MFSD12: variants seen among roughly 807,000 people sequenced by gnomAD.
MFSD12 encodes major facilitator superfamily domain-containing protein 12.
In MFSD12, 67 loss-of-function variants were observed where a neutral mutation model predicts 51.2. That is an observed-to-expected ratio of 1.31 (90% confidence interval 1.08 to 1.60). The LOEUF (loss-of-function observed/expected upper bound fraction) is 1.60. Among genes scored for constraint, MFSD12 ranks in the 40% most tolerant of loss-of-function variants. MFSD12 has a pLI of 0.00. For missense variants in MFSD12, 921 were observed against 673.0 expected, an observed-to-expected ratio of 1.37 and a Z score of -4.08; for synonymous variants, 441 against 316.7, an observed-to-expected ratio of 1.39 and a Z score of -4.17.
downstream of MFSD12, chr19:3,541,700 G>A (rs146434539): frequency 1.0e-6 from 1 of 985,136 alleles, no homozygotes; most frequent in East Asian, 1.1e-4. Flanking sequence ...GGGGGTGAGT[G>A]CATGTACCAC....
chr19:3,542,758 C>T (rs769324814), downstream of MFSD12: 3 of 1,352,796 alleles, frequency 2.2e-6, no homozygotes, highest in Admixed American at 2.0e-5. Context: ...GCTGGGTTTA[C>T]AAGCGTGAGC....
chr19:3,549,932 A>G (rs1242665482), intron 2 of MFSD12, among the ~76,000 whole-genome samples: 4 of 152,096 alleles, frequency 2.6e-5, no homozygotes, highest in Admixed American at 2.0e-4. Flanking sequence ...TGACAGAGCG[A>G]GATCCTGTCA....
downstream of MFSD12, chr19:3,543,619 C>A: frequency 6.5e-7 from 1 of 1,544,730 alleles, no homozygotes. Context: ...AGTACCAGGC[C>A]CCCAGCACCC....
In MFSD12 at chr19:3,546,456, A is replaced by C. The variant is rs747106912; in HGVS notation, c.1024-31T>G. 5.1e-6 allele frequency: 8 copies of C among 1,578,886 alleles called. No individual in the cohort carries two copies. The African/African-American group carries it at 9.4e-5, about 19-fold the overall frequency. On this transcript the variant is annotated intron_variant, in intron 6 of 9. Coordinates refer to ENST00000355415, the MANE Select transcript of MFSD12 (RefSeq NM_174983.5). ...GGGACAGCCCCGGGGTCAGGCCCAC[A>C]CCACTGGGTGCCCCCAAGCCTGGCG...
chr19:3,550,021 G>C (rs1325080167), intron 2 of MFSD12, among the ~76,000 whole-genome samples: 4 of 152,090 alleles, frequency 2.6e-5, no homozygotes, highest in Non-Finnish European at 5.9e-5. Flanking sequence ...TGGGATCAGA[G>C]ATTCTCCCTG....
At chr19:3,547,154 A>C in intron 6 of MFSD12, 118 bp downstream of exon 6, 1 of 902,466 alleles carries the variant, frequency 1.1e-6, no homozygotes, top group Non-Finnish European at 1.8e-6. Context: ...TGGGGCTTCT[A>C]CAAGGCGGGA....
Position 3,544,906 on chromosome 19 carries a change from A to C in MFSD12, c.1323T>G (p.Phe441Leu). ...TCACAGCCACCATCGCCCAGTGGTA[A>C]AAGCTCACGCAGGCCCTGCAGCAGA... The part of the protein sequence containing the change: ...SELCCRACVS[F>L]YHWAMVAVTG... The change falls in exon 9 of 10, where the codon TTT becomes TTG. Residue 441 changes from phenylalanine to leucine, a missense_variant. Transcript: ENST00000355415. 1.2e-6 allele frequency: 2 copies of C among 1,611,390 alleles called. No individual in the cohort carries two copies. Among genetic ancestry groups the C allele is most frequent in the Non-Finnish European group, 1.7e-6 (2 of 1,179,446 alleles).
intron 2 of MFSD12, among the ~76,000 whole-genome samples, chr19:3,550,431 G>T (rs539673877): frequency 6.6e-6 from 1 of 151,042 alleles, no homozygotes; most frequent in Admixed American, 6.6e-5. Flanking sequence ...TCGCTCTGTC[G>T]CCCAGGCTGG....
In MFSD12 at chr19:3,546,383, C is replaced by G. The variant is rs200989641; in HGVS notation, c.1066G>C (p.Ala356Pro). The part of the protein sequence containing the change: ...SGLLVILAFA[A>P]WVALAEGLGV... Reference sequence around the variant, plus strand: ...AGTCCCTCCGCCAGCGCCACCCAGGCGGCAAAGGCCAGGATCACCAGGAGG... The same window carrying G: ...AGTCCCTCCGCCAGCGCCACCCAGGGGGCAAAGGCCAGGATCACCAGGAGG... Residue 356 changes from alanine to proline, a missense_variant, in exon 7 of 10, where the codon GCC becomes CCC. Physicochemically the swap from Ala to Pro is conservative, Grantham distance 27. Transcript: ENST00000355415. 7 of 1,608,032 alleles carry G rather than the reference C, an allele frequency of 4.4e-6. No individual in the cohort carries two copies. Among genetic ancestry groups the G allele is most frequent in the Non-Finnish European group, 5.1e-6 (6 of 1,177,936 alleles).
In MFSD12 at chr19:3,546,118, G is replaced by A. The variant is rs1302976700; in HGVS notation, c.1245C>T (p.Ala415=). ...GGATGGCCATGACTGCCAGCCCATTGGCCACCTTATCCAAGAAGCTCATGG... is the reference window on the plus strand; with the variant it reads ...GGATGGCCATGACTGCCAGCCCATTAGCCACCTTATCCAAGAAGCTCATGG... The part of the protein sequence containing the change: ...YGSMSFLDKV[A]NGLAVMAIQS... Residue 415 remains alanine, a synonymous_variant, in exon 8 of 10, where the codon GCC becomes GCT. Transcript: ENST00000355415. The A allele has an allele frequency of 4.3e-6, 7 of 1,613,260 alleles. No homozygotes were observed. The highest frequency in any genetic ancestry group is 2.7e-5 in the African/African-American group (2 of 74,942).
chr19:3,543,900 C>G, downstream of MFSD12: 1 of 1,551,018 alleles, frequency 6.4e-7, no homozygotes, highest in Non-Finnish European at 8.7e-7. Flanking sequence ...CCTGTCGGCA[C>G]CCCAGCGCCC....
chr19:3,547,353 C>A lies in MFSD12; in HGVS notation c.942G>T (p.Ala314=). The change falls in exon 6 of 10, where the codon GCG becomes GCT. Residue 314 remains alanine, a synonymous_variant. Coordinates refer to ENST00000355415, the MANE Select transcript of MFSD12 (RefSeq NM_174983.5). ...YSLHLPKKFI[A]TIPLVMYLSG... ...TGAGGTACATCACCAGGGGAATGGT[C>A]GCGATGAACTTCTGCGGAGGCAGAG... 6.2e-7 allele frequency: 1 copy of A among 1,613,262 alleles called. No homozygotes were observed. Among genetic ancestry groups the A allele is most frequent in the South Asian group, 1.1e-5 (1 of 91,050 alleles).
intron 2 of MFSD12, among the ~76,000 whole-genome samples, chr19:3,550,517 G>A (rs769035363): frequency 1.4e-4 from 21 of 150,936 alleles, no homozygotes; most frequent in Non-Finnish European, 2.4e-4. Flanking sequence ...TCAGCCTCCC[G>A]AGTAGCTGGG....
At chr19:3,547,659 T>A in intron 4 of MFSD12, 112 bp from the exon 5 acceptor site, 1 of 1,185,666 alleles carries the variant, frequency 8.4e-7, no homozygotes, top group Admixed American at 2.2e-5. Context: ...ATTTGATCCA[T>A]TGGTAGTGAC....
intron 8 of MFSD12, 86 bp from the exon 9 acceptor site, chr19:3,545,025 G>A (rs759180097): frequency 2.6e-4 from 391 of 1,486,318 alleles, no homozygotes; most frequent in Non-Finnish European, 3.1e-4. Flanking sequence ...CCTCACCCCC[G>A]ACAGCGGCTC....
Position 3,544,282 on chromosome 19 carries a change from C to T in MFSD12, c.*428G>A. On this transcript the variant is annotated 3_prime_UTR_variant, in exon 10 of 10. Coordinates refer to ENST00000355415, the MANE Select transcript of MFSD12 (RefSeq NM_174983.5). ...CTGCCCACCACGGTGGGGTCCAGGCCCAGCCCACCACCCCGTGGCTGTCTC... is the reference window on the plus strand; with the variant it reads ...CTGCCCACCACGGTGGGGTCCAGGCTCAGCCCACCACCCCGTGGCTGTCTC... The T allele has an allele frequency of 7.7e-7, 1 of 1,297,802 alleles. No individual in the cohort carries two copies. The highest frequency in any genetic ancestry group is 1.5e-5 in the African/African-American group (1 of 66,306). 80.4% of individuals were successfully genotyped at this position (1,297,802 alleles called of 1,614,324 possible).
At chr19:3,553,852 C>T (rs1017127913) in intron 1 of MFSD12, among the ~76,000 whole-genome samples, 8 of 150,908 alleles carry the variant, frequency 5.3e-5, no homozygotes, top group Non-Finnish European at 4.4e-5. Context: ...GAGGCTGCAG[C>T]GGATGGATCA....
chr19:3,549,667 G>A (rs925994527), intron 2 of MFSD12, among the ~76,000 whole-genome samples: 2 of 147,618 alleles, frequency 1.4e-5, no homozygotes, highest in Non-Finnish European at 3.0e-5. Context: ...AGGTTGCAGT[G>A]AGCCGAGATG....
At chr19:3,542,843 T>G (rs1349527959), downstream of MFSD12, 7 of 1,378,226 alleles carry the variant, frequency 5.1e-6, no homozygotes, top group Non-Finnish European at 6.8e-6. Context: ...CACTTCTTCC[T>G]GGTGCACCTC....
Sources: allele counts gnomAD v4.1 joint callset (sites outside exome capture counted in the v4.1 genomes callset), GRCh38; gene constraint gnomAD v4.1.1; transcripts MANE v1.5; gene names NCBI Gene and HGNC (gene_info 2026-07-23, HGNC 2026-07-21).